The following CSMD1 variants were observed in gnomAD, a reference collection of about 807,000 sequenced individuals.
CSMD1 encodes the protein CUB and sushi domain-containing protein 1.
Under a neutral mutation model 417.5 loss-of-function variants are expected in CSMD1, and 213 were observed. The observed-to-expected ratio is 0.51, with a 90% CI of 0.46 to 0.57. The LOEUF is 0.57. Among genes scored for constraint, CSMD1 ranks in the 20% least tolerant of loss-of-function variants. CSMD1 has a pLI of 0.00. For synonymous variants in CSMD1, 2,862 were observed against 1,736.8 expected (o/e 1.65, Z -16.11); for missense variants, 6,923 against 4,529.7 (o/e 1.53, Z -15.17).
chr8:4,618,957 A>T (rs2130809526), intron 2 of CSMD1, among the ~76,000 whole-genome samples: 1 of 152,298 alleles, frequency 6.6e-6, no homozygotes, highest in Middle Eastern at 3.4e-3. Flanking sequence ...TTTTATTTCT[A>T]GTAAACATAA....
chr8:3,427,275 G>A (rs17066097), intron 12 of CSMD1, among the ~76,000 whole-genome samples: 2,112 of 152,132 alleles, frequency 0.014, 55 homozygotes, highest in African/African-American at 0.048. Context: ...CTACTTCATC[G>A]CAAACCACAA....
At chr8:3,199,853 G>A (rs561622088) in intron 32 of CSMD1, 44 bp from the exon 33 acceptor site, 29 of 1,174,988 alleles carry the variant, frequency 2.5e-5, no homozygotes, top group South Asian at 5.5e-5. Flanking sequence ...ACACAGCACC[G>A]TGGGGGACGG....
chr8:4,717,316 T>G (rs1007740968), intron 1 of CSMD1, among the ~76,000 whole-genome samples: 1 of 147,166 alleles, frequency 6.8e-6, no homozygotes, highest in Non-Finnish European at 1.5e-5. Context: ...TCTCCATATA[T>G]ATATATATAT....
intron 16 of CSMD1, among the ~76,000 whole-genome samples, chr8:3,398,334 T>A (rs1016566323): frequency 6.6e-6 from 1 of 152,222 alleles, no homozygotes; most frequent in Non-Finnish European, 1.5e-5. Flanking sequence ...CACTTTCTAA[T>A]ATAGATGGAT....
At chr8:3,165,641 C>T (rs1563102339) in intron 37 of CSMD1, among the ~76,000 whole-genome samples, 1 of 151,882 alleles carries the variant, frequency 6.6e-6, no homozygotes, top group Non-Finnish European at 1.5e-5. Flanking sequence ...ACCATGTTAG[C>T]CAGGGTGGTC....
At chr8:3,238,763 T>G (rs776975494) in intron 26 of CSMD1, among the ~76,000 whole-genome samples, 8 of 152,202 alleles carry the variant, frequency 5.3e-5, no homozygotes, top group Admixed American at 6.5e-5. Flanking sequence ...AGAGAGTGCC[T>G]GACGAGGTTC....
intron 3 of CSMD1, among the ~76,000 whole-genome samples, chr8:4,397,402 T>C (rs1177285779): frequency 2.0e-5 from 3 of 152,082 alleles, no homozygotes; most frequent in African/African-American, 7.2e-5. Context: ...AGTTACTTCA[T>C]TCAAAATAAG....
chr8:3,942,081 G>A (rs751020323), intron 5 of CSMD1, among the ~76,000 whole-genome samples: 6 of 151,872 alleles, frequency 4.0e-5, no homozygotes, highest in Non-Finnish European at 5.9e-5. Flanking sequence ...TCTAGGTTTC[G>A]AGCTCCTTGT....
intron 3 of CSMD1, among the ~76,000 whole-genome samples, chr8:4,351,571 G>C (rs1441796097): frequency 2.0e-5 from 3 of 152,338 alleles, no homozygotes; most frequent in South Asian, 4.1e-4. Flanking sequence ...GCTTTAAAAT[G>C]CATGTTTTAT....
chr8:3,798,727 T>C (rs1046883500), intron 5 of CSMD1, among the ~76,000 whole-genome samples: 1 of 152,136 alleles, frequency 6.6e-6, no homozygotes, highest in African/African-American at 2.4e-5. Context: ...TGTATACATA[T>C]ACAAAAATGT....
chr8:3,589,379 G>GGT (rs58729391), intron 8 of CSMD1, among the ~76,000 whole-genome samples: 56,598 of 149,876 alleles, frequency 0.38, 10,832 homozygotes, highest in Non-Finnish European at 0.41. Flanking sequence ...AAGAAAATGT[G>GGT]GTGTGTGTGT....
chr8:3,942,117 C>G (rs1810923131), intron 5 of CSMD1, among the ~76,000 whole-genome samples: 1 of 151,808 alleles, frequency 6.6e-6, no homozygotes, highest in East Asian at 1.9e-4. Flanking sequence ...GATGATCTGT[C>G]ACGCTGAGAT....
chr8:4,844,242 T>G (rs758566569), intron 1 of CSMD1, among the ~76,000 whole-genome samples: 1 of 152,188 alleles, frequency 6.6e-6, no homozygotes, highest in Non-Finnish European at 1.5e-5. Flanking sequence ...GGTTACATTT[T>G]CCAGCTAAAA....
intron 5 of CSMD1, among the ~76,000 whole-genome samples, chr8:3,825,430 G>C (rs568179483): frequency 6.6e-6 from 1 of 152,304 alleles, no homozygotes; most frequent in East Asian, 1.9e-4. Context: ...TTGGGAGGCT[G>C]AGGCAGTAGA....
At chr8:3,293,131 T>A (rs908829084) in intron 25 of CSMD1, among the ~76,000 whole-genome samples, 1 of 128,432 alleles carries the variant, frequency 7.8e-6, no homozygotes, top group Non-Finnish European at 1.8e-5. Context: ...AAATTCTTTC[T>A]TTTAAGAATG....
intron 3 of CSMD1, among the ~76,000 whole-genome samples, chr8:4,148,560 G>C (rs1489813501): frequency 6.6e-6 from 1 of 152,004 alleles, no homozygotes; most frequent in African/African-American, 2.4e-5. Context: ...TCTGGAGGCT[G>C]AGACATTCAA....
rs559554958 is a variant in CSMD1 at position 4,432,968 on chromosome 8, C to G, written c.303-12903G>C. ...CATGGCTCACGTTACCAGCTGAGCT[C>G]CACCCTCCTGTCAGATCAGTGGGAG... On this transcript the variant is annotated intron_variant, in intron 2 of 69. Transcript: ENST00000635120. 5.3e-5 allele frequency among the ~76,000 whole-genome samples: 8 copies of G among 152,244 alleles called. No homozygotes were observed. The South Asian group carries it at 1.0e-3, about 20-fold the overall frequency.
chr8:3,170,972 G>T (rs777558357), intron 37 of CSMD1, among the ~76,000 whole-genome samples: 1 of 152,126 alleles, frequency 6.6e-6, no homozygotes, highest in South Asian at 2.1e-4. Context: ...AACCACTGAA[G>T]GATTTTTAGC....
intron 1 of CSMD1, among the ~76,000 whole-genome samples, chr8:4,891,089 A>G (rs1804091364): frequency 6.6e-6 from 1 of 152,192 alleles, no homozygotes; most frequent in South Asian, 2.1e-4. Context: ...GCCATTTTCC[A>G]GCTTTGGAAC....
Sources: allele counts gnomAD v4.1 joint callset (sites outside exome capture counted in the v4.1 genomes callset), GRCh38; gene constraint gnomAD v4.1.1; transcripts MANE v1.5; gene names NCBI Gene and HGNC (gene_info 2026-07-23, HGNC 2026-07-21).